Variants in NRCAM observed in about 807,000 individuals in gnomAD.
NRCAM encodes the protein neuronal cell adhesion molecule.
NRCAM carries 83 observed loss-of-function variants against 156.5 expected under a neutral mutation model. The ratio of observed to expected loss-of-function variants is 0.53; its 90% CI spans 0.44 to 0.64. NRCAM has a LOEUF of 0.64. NRCAM is among the 30% of genes least tolerant of loss of function. The probability of loss-of-function intolerance (pLI) is 0.00; values close to 1 mark genes in which losing one functional copy is unlikely to be tolerated. For synonymous variants in NRCAM, 538 were observed against 563.9 expected (o/e 0.95, Z 0.65); for missense variants, 1,417 against 1,597.3 (o/e 0.89, Z 1.92).
intron 2 of NRCAM, among the ~76,000 whole-genome samples, chr7:108,358,175 A>C (rs549263621): frequency 1.3e-5 from 2 of 150,626 alleles, no homozygotes; most frequent in South Asian, 4.3e-4. Flanking sequence ...TGAGAGGCCA[A>C]GGCAGGAGGA....
chr7:108,195,667 CTGTTTGTTTT>C, intron 15 of NRCAM, 84 bp downstream of exon 15: 1 of 666,058 alleles, frequency 1.5e-6, no homozygotes, highest in Non-Finnish European at 2.6e-6. Context: ...GTGCCTTTCC[CTGTTTGTTTT>C]TTGAATAAAA....
chr7:108,157,976 C>T (rs903155622), intron 32 of NRCAM, among the ~76,000 whole-genome samples: 2 of 152,094 alleles, frequency 1.3e-5, no homozygotes, highest in African/African-American at 4.8e-5. Flanking sequence ...TAGATAATTA[C>T]AGCCACAAGA....
At chr7:108,280,164 C>A (rs1305448758) in intron 3 of NRCAM, among the ~76,000 whole-genome samples, 1 of 152,242 alleles carries the variant, frequency 6.6e-6, no homozygotes, top group Non-Finnish European at 1.5e-5. Flanking sequence ...CTGATCTCAA[C>A]ATCAGTAGGT....
intron 3 of NRCAM, among the ~76,000 whole-genome samples, chr7:108,244,821 G>A (rs1042838590): frequency 6.6e-6 from 1 of 152,002 alleles, no homozygotes; most frequent in African/African-American, 2.4e-5. Flanking sequence ...ATAAACAGGT[G>A]GTTTTTACCC....
intron 3 of NRCAM, among the ~76,000 whole-genome samples, chr7:108,253,695 A>C (rs1370570696): frequency 6.6e-6 from 1 of 152,342 alleles, no homozygotes; most frequent in Non-Finnish European, 1.5e-5. Context: ...GCACAGAGTG[A>C]AATGTGCAGG....
At chr7:108,343,817 C>T (rs1023871004) in intron 2 of NRCAM, among the ~76,000 whole-genome samples, 6 of 152,092 alleles carry the variant, frequency 3.9e-5, no homozygotes, top group African/African-American at 1.4e-4. Context: ...GTAAAGTGTG[C>T]CAATGAAATA....
chr7:108,343,682 G>A (rs1443926300), intron 2 of NRCAM, among the ~76,000 whole-genome samples: 1 of 152,118 alleles, frequency 6.6e-6, no homozygotes, highest in Admixed American at 6.6e-5. Flanking sequence ...GCTAACCAAT[G>A]GAAATTACTT....
chr7:108,181,615 C>CTTTTTTTTTTTTTT (rs34899360), intron 24 of NRCAM, among the ~76,000 whole-genome samples: 1 of 148,438 alleles, frequency 6.7e-6, no homozygotes. Flanking sequence ...ATGGAGAAAA[C>CTTTTTTTTTTTTTT]TTTTTTTTTT....
In NRCAM at chr7:108,234,604, G is replaced by A. The variant is rs781459019; in HGVS notation, c.209C>T (p.Ala70Val). 6.2e-7 allele frequency: 1 copy of A among 1,610,620 alleles called. No homozygotes were observed. Among genetic ancestry groups the A allele is most frequent in the African/African-American group, 1.3e-5 (1 of 74,698 alleles). ...PRENIVIQCE[A>V]KGKPPPSFSW... ...TCACCTTGGGGGCGGTTTCCCTTTG[G>A]CTTCACACTGGATTACAATATTCTC... The change falls in exon 6 of 33, where the codon GCC (alanine) becomes GTC (valine). Residue 70 changes from alanine (A) to valine (V), a missense_variant. This residue lies in a region of NRCAM where 1,238 missense variants were observed against 1,336.4 expected (regional missense o/e 0.93). Transcript: ENST00000379028.
intron 2 of NRCAM, among the ~76,000 whole-genome samples, chr7:108,331,546 G>A (rs373977559): frequency 2.0e-5 from 3 of 152,242 alleles, no homozygotes; most frequent in African/African-American, 7.2e-5. Context: ...GTAAAATCAG[G>A]ATAATATAGT....
chr7:108,454,405 T>G (rs148612160), intron 1 of NRCAM, among the ~76,000 whole-genome samples: 15 of 152,340 alleles, frequency 9.8e-5, no homozygotes, highest in Non-Finnish European at 1.9e-4. Context: ...TTCCTAGCTG[T>G]GTGGCCTTGG....
intron 3 of NRCAM, among the ~76,000 whole-genome samples, chr7:108,295,221 A>G (rs2098429243): frequency 6.6e-6 from 1 of 152,126 alleles, no homozygotes; most frequent in Non-Finnish European, 1.5e-5. Flanking sequence ...CTCGCTCTGT[A>G]CTAGGCACTT....
chr7:108,448,487 CT>C (rs1467274340), intron 1 of NRCAM, among the ~76,000 whole-genome samples: 2 of 152,242 alleles, frequency 1.3e-5, no homozygotes, highest in Admixed American at 1.3e-4. Flanking sequence ...GATGTTTCAA[CT>C]TTCAATTTTT....
At chr7:108,283,813 T>A (rs926142598) in intron 3 of NRCAM, among the ~76,000 whole-genome samples, 7 of 152,150 alleles carry the variant, frequency 4.6e-5, no homozygotes, top group African/African-American at 1.7e-4. Flanking sequence ...CTTACTCCAT[T>A]CATCCTGTAT....
chr7:108,428,477 C>T (rs946340124), intron 1 of NRCAM, among the ~76,000 whole-genome samples: 2 of 152,162 alleles, frequency 1.3e-5, no homozygotes, highest in Non-Finnish European at 2.9e-5. Context: ...CACAAGTGAC[C>T]TTTCAGCTTG....
intron 3 of NRCAM, among the ~76,000 whole-genome samples, chr7:108,245,352 G>A (rs188220315): frequency 1.3e-5 from 2 of 152,186 alleles, no homozygotes; most frequent in African/African-American, 2.4e-5. Flanking sequence ...ACCTCTAACG[G>A]TTTCTGAATA....
intron 30 of NRCAM, among the ~76,000 whole-genome samples, chr7:108,165,494 C>T (rs2053451377): frequency 6.6e-6 from 1 of 152,174 alleles, no homozygotes; most frequent in African/African-American, 2.4e-5. Context: ...AAGATAATAT[C>T]TACTTGACTT....
In NRCAM at chr7:108,234,606, T is replaced by C. The variant is rs1374939895; in HGVS notation, c.207A>G (p.Glu69=). ...DPRENIVIQC[E]AKGKPPPSFS... is the part of the protein sequence containing the mutation. Reference sequence around the variant, plus strand: ...ACCTTGGGGGCGGTTTCCCTTTGGCTTCACACTGGATTACAATATTCTCCC... The same window carrying C: ...ACCTTGGGGGCGGTTTCCCTTTGGCCTCACACTGGATTACAATATTCTCCC... The change falls in exon 6 of 33, where the codon GAA becomes GAG. Residue 69 remains glutamate, a synonymous_variant. Transcript: ENST00000379028. The C allele has an allele frequency of 1.2e-6, 2 of 1,612,192 alleles. No homozygotes were observed. Among genetic ancestry groups the C allele is most frequent in the Non-Finnish European group, 1.7e-6 (2 of 1,178,518 alleles).
At chr7:108,349,719 T>C (rs1480544523) in intron 2 of NRCAM, among the ~76,000 whole-genome samples, 1 of 152,162 alleles carries the variant, frequency 6.6e-6, no homozygotes, top group Non-Finnish European at 1.5e-5. Context: ...GCACTCCCCC[T>C]CACAATATGA....
Sources: allele counts gnomAD v4.1 joint callset (sites outside exome capture counted in the v4.1 genomes callset), GRCh38; gene constraint gnomAD v4.1.1; regional missense constraint gnomAD v4.1.1; transcripts MANE v1.5; gene names NCBI Gene and HGNC (gene_info 2026-07-23, HGNC 2026-07-21).